Variants in CHD6 observed in about 807,000 individuals in gnomAD.
CHD6 encodes the protein chromodomain helicase DNA binding protein 6, also known as ATP-dependent chromatin remodeler CHD6.
CHD6 carries 50 observed loss-of-function variants against 276.9 expected under a neutral mutation model. The observed-to-expected ratio is 0.18, with a 90% CI of 0.14 to 0.23. The LOEUF (loss-of-function observed/expected upper bound fraction) is 0.23. CHD6 is among the 10% of genes least tolerant of loss of function. The pLI, the probability that CHD6 is intolerant of heterozygous loss-of-function variation, is 1.00. For synonymous variants in CHD6, 1,173 were observed against 1,229.3 expected (o/e 0.95, Z 0.96); for missense variants, 2,564 against 3,365.8 (o/e 0.76, Z 5.89).
intron 7 of CHD6, chr20:41,497,837 T>C (rs923813183): frequency 2.3e-6 from 1 of 440,780 alleles, no homozygotes; most frequent in South Asian, 2.6e-5. Context: ...GAAAAGAGCA[T>C]ATGCTACAGG....
At chr20:41,555,004 G>A (rs866116712) in intron 1 of CHD6, among the ~76,000 whole-genome samples, 74 of 147,074 alleles carry the variant, frequency 5.0e-4, no homozygotes, top group Non-Finnish European at 8.9e-4. Context: ...CTGGCCGGGC[G>A]GGGGGCTGAC....
intron 14 of CHD6, chr20:41,486,063 A>C (rs2043406198): frequency 6.6e-6 from 1 of 152,094 alleles, no homozygotes; most frequent in African/African-American, 2.4e-5. Context: ...TTTTTATGAG[A>C]CTTTCATTTT....
rs1437428311 is a variant in CHD6 at position 41,600,155 on chromosome 20, G to C, written c.-24+18185C>G. Among the ~76,000 whole-genome samples, 3 of 152,114 alleles carry C rather than the reference G, an allele frequency of 2.0e-5. No individual in the cohort carries two copies. In the East Asian group the frequency reaches 5.8e-4, roughly 29 times the overall value. ...TACACTGAAAAGTCCTTGATGGCAGGAACTGTATTTATCTTTTATCTGTAA... is the reference window on the plus strand; with the variant it reads ...TACACTGAAAAGTCCTTGATGGCAGCAACTGTATTTATCTTTTATCTGTAA... On this transcript the variant is annotated intron_variant, in intron 1 of 36. Coordinates refer to ENST00000373233, the MANE Select transcript of CHD6 (RefSeq NM_032221.5).
chr20:41,531,152 T>C (rs1300797630), intron 3 of CHD6, among the ~76,000 whole-genome samples: 1 of 152,162 alleles, frequency 6.6e-6, no homozygotes, highest in Non-Finnish European at 1.5e-5. Flanking sequence ...AATGTAAACA[T>C]GAATTCCTTA....
intron 36 of CHD6, among the ~76,000 whole-genome samples, chr20:41,410,517 A>G (rs1040771367): frequency 2.6e-5 from 4 of 152,192 alleles, no homozygotes; most frequent in African/African-American, 7.2e-5. Flanking sequence ...TGCACCCTAG[A>G]AGGCCCTGTC....
chr20:41,549,941 G>C (rs2045119443), intron 2 of CHD6, among the ~76,000 whole-genome samples: 2 of 152,170 alleles, frequency 1.3e-5, no homozygotes, highest in Admixed American at 6.5e-5. Context: ...TGCGATTACA[G>C]GTGCTCGCCA....
chr20:41,429,177 T>C (rs538830000), intron 27 of CHD6, among the ~76,000 whole-genome samples: 5 of 152,270 alleles, frequency 3.3e-5, no homozygotes, highest in African/African-American at 1.2e-4. Flanking sequence ...ATGATGAAAA[T>C]TGTGCTGTTA....
chr20:41,522,335 G>T (rs1182721106), intron 3 of CHD6, among the ~76,000 whole-genome samples: 1 of 151,944 alleles, frequency 6.6e-6, no homozygotes, highest in Non-Finnish European at 1.5e-5. Context: ...GACAGAGCAA[G>T]ACCCTGTCTC....
intron 24 of CHD6, among the ~76,000 whole-genome samples, chr20:41,447,421 A>C (rs983673214): frequency 2.6e-5 from 4 of 152,354 alleles, no homozygotes; most frequent in East Asian, 1.9e-4. Context: ...ATAGCTTTCC[A>C]AACACTAATT....
intron 2 of CHD6, among the ~76,000 whole-genome samples, chr20:41,538,306 G>A (rs889234283): frequency 3.3e-5 from 5 of 152,004 alleles, no homozygotes; most frequent in Admixed American, 1.3e-4. Flanking sequence ...AGCTGAGATC[G>A]CGCCACTGTA....
chr20:41,476,489 T>G (rs1329240708), intron 16 of CHD6, among the ~76,000 whole-genome samples: 1 of 152,060 alleles, frequency 6.6e-6, no homozygotes, highest in Non-Finnish European at 1.5e-5. Context: ...CATGAAGAGT[T>G]AATTTAAAAA....
At chr20:41,556,998 T>C (rs1438866899) in intron 1 of CHD6, among the ~76,000 whole-genome samples, 1 of 152,242 alleles carries the variant, frequency 6.6e-6, no homozygotes, top group Non-Finnish European at 1.5e-5. Flanking sequence ...CAGTCTCTGC[T>C]GCCATCACTC....
At position 41,513,008 on chromosome 20, in the gene CHD6, C is replaced by T; in HGVS notation, c.703-13G>A. On this transcript the variant is annotated splice_polypyrimidine_tract_variant and intron_variant, in intron 4 of 36. Transcript: ENST00000373233. ...CCGAGCGTCGTTTCTGTAGGGCAAA[C>T]ACACCCGTCAGAGAAGCTCTCTGAG... is the stretch of plus-strand genomic sequence containing the variant. 4 of 1,613,922 alleles carry T rather than the reference C, an allele frequency of 2.5e-6. No individual in the cohort carries two copies. The highest frequency in any genetic ancestry group is 3.4e-6 in the Non-Finnish European group (4 of 1,179,838).
chr20:41,473,099 A>T lies in CHD6; in HGVS notation c.2664+223T>A. On this transcript the variant is annotated intron_variant, in intron 17 of 36. Transcript: ENST00000373233. This position sits in a 1 kb window ranked among gnomAD's most constrained non-coding sequence, Gnocchi z 4.1. ...CTATATCTGGAGGCTACCACTGTGA[A>T]ACATCATTTGATTTAACGGAAAGAA... The T allele has an allele frequency of 2.1e-6, 1 of 476,668 alleles. No homozygotes were observed. The highest frequency in any genetic ancestry group is 3.7e-6 in the Non-Finnish European group (1 of 269,006). 29.5% of individuals were successfully genotyped at this position (476,668 alleles called of 1,614,324 possible). A position where few individuals can be genotyped will look rare whatever the true frequency, so the allele number is the denominator to read the frequency against.
chr20:41,518,951 A>G (rs1431708310), intron 3 of CHD6, among the ~76,000 whole-genome samples: 1 of 152,218 alleles, frequency 6.6e-6, no homozygotes, highest in Non-Finnish European at 1.5e-5. Context: ...TTGGCCCATG[A>G]ATATTTGTTT....
intron 8 of CHD6, chr20:41,497,080 G>A: frequency 3.7e-6 from 1 of 267,944 alleles, no homozygotes; most frequent in Non-Finnish European, 7.3e-6. Context: ...GGTTGCAGTG[G>A]GTTGAGGGAG....
At chr20:41,555,797 G>A (rs1267376336) in intron 1 of CHD6, among the ~76,000 whole-genome samples, 7 of 146,506 alleles carry the variant, frequency 4.8e-5, no homozygotes, top group South Asian at 2.2e-4. Flanking sequence ...GGCTCCTCAC[G>A]TCCCAGACGA....
intron 1 of CHD6, among the ~76,000 whole-genome samples, chr20:41,555,740 C>A (rs1170274985): frequency 6.6e-6 from 1 of 151,216 alleles, no homozygotes; most frequent in African/African-American, 2.4e-5. Flanking sequence ...GGATGGCGGC[C>A]GGGCAGAGAC....
At chr20:41,417,125 A>T in intron 32 of CHD6, 73 bp downstream of exon 32, 1 of 1,368,734 alleles carries the variant, frequency 7.3e-7, no homozygotes, top group South Asian at 1.4e-5. Flanking sequence ...ACTATTTCTA[A>T]AAGGGTTAAA....
Sources: allele counts gnomAD v4.1 joint callset (sites outside exome capture counted in the v4.1 genomes callset), GRCh38; gene constraint gnomAD v4.1.1; non-coding constraint Gnocchi (gnomAD v3.1); transcripts MANE v1.5; gene names NCBI Gene and HGNC (gene_info 2026-07-23, HGNC 2026-07-21).